The following CTXND1 variants were observed in gnomAD, a reference collection of about 807,000 sequenced individuals.
The protein encoded by CTXND1 is cortexin domain-containing 1 protein.
At chr15:80,249,837 C>T (rs548442029) in intron 1 of CTXND1, among the ~76,000 whole-genome samples, 5 of 152,208 alleles carry the variant, frequency 3.3e-5, no homozygotes, top group Non-Finnish European at 7.3e-5. Context: ...CCAAACAGTT[C>T]TAAATGTTGT....
chr15:80,241,475 A>T (rs1482152013), intron 1 of CTXND1, among the ~76,000 whole-genome samples: 1 of 152,158 alleles, frequency 6.6e-6, no homozygotes, highest in East Asian at 1.9e-4. Context: ...ACCTGCTATG[A>T]TCTGAACTGA....
chr15:80,213,704 G>T (rs989657218), intron 1 of CTXND1, among the ~76,000 whole-genome samples: 1 of 152,200 alleles, frequency 6.6e-6, no homozygotes, highest in Non-Finnish European at 1.5e-5. Context: ...ATGTTAACAG[G>T]CTAGCATAGG....
chr15:80,205,071 T>G (rs1270438677), intron 1 of CTXND1, among the ~76,000 whole-genome samples: 2 of 152,218 alleles, frequency 1.3e-5, no homozygotes, highest in Non-Finnish European at 2.9e-5. Context: ...ATATGTATGT[T>G]TATGTATTTG....
chr15:80,218,902 A>T (rs1159016411), intron 1 of CTXND1, among the ~76,000 whole-genome samples: 1 of 150,798 alleles, frequency 6.6e-6, no homozygotes, highest in African/African-American at 2.4e-5. Flanking sequence ...AGAAGAATAT[A>T]TTCATACACC....
rs1467921408 is a variant in CTXND1 at position 80,233,677 on chromosome 15, A to T, written c.-218+18330T>A. ...TTCTGCCCTACAAAGAGACTGGGGG[A>T]GCTAGACAAGCCCACTTCCCCCACA... On this transcript the variant is annotated intron_variant, in intron 1 of 2. Coordinates refer to ENST00000560778, the MANE Select transcript of CTXND1 (RefSeq NM_001352888.2). Among the ~76,000 whole-genome samples the T allele has an allele frequency of 2.0e-5, 3 of 152,126 alleles. No individual in the cohort carries two copies. The East Asian group carries it at 5.8e-4, about 29-fold the overall frequency.
At position 80,197,700 on chromosome 15, in the gene CTXND1, C is replaced by T. The variant is rs2041427563; in HGVS notation, c.*4070G>A. The T allele has an allele frequency of 6.6e-6, 1 of 152,298 alleles. No individual in the cohort carries two copies. The highest frequency in any genetic ancestry group is 1.5e-5 in the Non-Finnish European group (1 of 68,136). The allele number at this position is 152,298 out of a possible 1,614,324, so 9.4% of individuals were successfully genotyped here. A position where few individuals can be genotyped will look rare whatever the true frequency, so the allele number is the denominator to read the frequency against. On this transcript the variant is annotated 3_prime_UTR_variant, in exon 3 of 3. Transcript: ENST00000560778. ...GGGCACCTCTCCACAGGCTGGGCCA[C>T]AGGACATTGTGGGTGGTCATTGATC...
At position 80,236,737 on chromosome 15, in the gene CTXND1, T is replaced by C. The variant is rs143542280; in HGVS notation, c.-218+15270A>G. On this transcript the variant is annotated intron_variant, in intron 1 of 2. Transcript: ENST00000560778. ...GGGAGAGGTTGCAGTAAGCCGATATTGTGCCACTGCACTCCAGCCTGGGTG... is the reference window on the plus strand; with the variant it reads ...GGGAGAGGTTGCAGTAAGCCGATATCGTGCCACTGCACTCCAGCCTGGGTG... Among the ~76,000 whole-genome samples the C allele has an allele frequency of 2.7e-3, 414 of 151,158 alleles. 10 individuals are homozygous for C. The highest frequency in any genetic ancestry group is 0.018 in the South Asian group (85 of 4,758).
chr15:80,228,636 C>CTTTTTTT (rs58443773), intron 1 of CTXND1, among the ~76,000 whole-genome samples: 7,122 of 139,798 alleles, frequency 0.051, 657 homozygotes, highest in African/African-American at 0.17. Flanking sequence ...AAATCTGAAA[C>CTTTTTTT]TTTTTTTTTT....
At chr15:80,213,261 T>C (rs1177514249) in intron 1 of CTXND1, among the ~76,000 whole-genome samples, 3 of 152,194 alleles carry the variant, frequency 2.0e-5, no homozygotes, top group Non-Finnish European at 4.4e-5. Flanking sequence ...TTTGGAGTAA[T>C]GTTGGAATGA....
chr15:80,199,280 G>A lies in CTXND1; in HGVS notation c.*2490C>T, dbSNP rs1366253402. The A allele has an allele frequency of 6.6e-6, 1 of 152,218 alleles. No homozygotes were observed. Among genetic ancestry groups the A allele is most frequent in the Non-Finnish European group, 1.5e-5 (1 of 68,056 alleles). 9.4% of individuals were successfully genotyped at this position (152,218 alleles called of 1,614,324 possible). ...AATATACATTCTGTACGTAGGTCTG[G>A]AGGGGGCTGTGAGTTTGGGTTTCTA... is the stretch of plus-strand genomic sequence containing the variant. On this transcript the variant is annotated 3_prime_UTR_variant, in exon 3 of 3. Coordinates refer to ENST00000560778, the MANE Select transcript of CTXND1 (RefSeq NM_001352888.2).
chr15:80,204,187 T>TACACACAA (rs1220143548), intron 1 of CTXND1, among the ~76,000 whole-genome samples: 1 of 49,938 alleles, frequency 2.0e-5, no homozygotes, highest in Non-Finnish European at 3.5e-5. Flanking sequence ...TATATATATA[T>TACACACAA]ATATATATAT....
At chr15:80,225,890 G>A (rs555343762) in intron 1 of CTXND1, among the ~76,000 whole-genome samples, 1 of 152,204 alleles carries the variant, frequency 6.6e-6, no homozygotes, top group African/African-American at 2.4e-5. Context: ...GTTTATAAAT[G>A]GAGGTATAGA....
intron 1 of CTXND1, among the ~76,000 whole-genome samples, chr15:80,210,743 G>A (rs1026180947): frequency 1.3e-5 from 2 of 152,212 alleles, no homozygotes; most frequent in African/African-American, 4.8e-5. Flanking sequence ...ATAGCAAAAT[G>A]CCACAGACTG....
intron 1 of CTXND1, among the ~76,000 whole-genome samples, chr15:80,220,918 T>TA (rs1567131013): frequency 1.0e-4 from 15 of 148,788 alleles, no homozygotes; most frequent in African/African-American, 3.7e-4. Context: ...TATTATTTTT[T>TA]TTTTTTTTGA....
At chr15:80,232,380 G>A (rs975228032) in intron 1 of CTXND1, among the ~76,000 whole-genome samples, 10 of 152,274 alleles carry the variant, frequency 6.6e-5, no homozygotes, top group Middle Eastern at 3.4e-3. Flanking sequence ...TCGAGCTCAT[G>A]TTTCTAATCT....
chr15:80,237,544 G>A (rs1486081416), intron 1 of CTXND1, among the ~76,000 whole-genome samples: 17 of 152,038 alleles, frequency 1.1e-4, no homozygotes, highest in Non-Finnish European at 4.4e-5. Flanking sequence ...TCAGGCTCAT[G>A]TGATTGTTTG....
At chr15:80,205,392 T>C (rs1417562335) in intron 1 of CTXND1, among the ~76,000 whole-genome samples, 1 of 152,184 alleles carries the variant, frequency 6.6e-6, no homozygotes, top group African/African-American at 2.4e-5. Context: ...AAGGATAAAT[T>C]CATTTTAATT....
At chr15:80,246,870 C>T (rs1250616026) in intron 1 of CTXND1, among the ~76,000 whole-genome samples, 2 of 152,156 alleles carry the variant, frequency 1.3e-5, no homozygotes, top group Non-Finnish European at 2.9e-5. Context: ...ATTCTTTGGC[C>T]ATTTCTGTGC....
chr15:80,233,397 A>G (rs1447339255), intron 1 of CTXND1, among the ~76,000 whole-genome samples: 1 of 152,192 alleles, frequency 6.6e-6, no homozygotes, highest in Non-Finnish European at 1.5e-5. Flanking sequence ...CAATTAAAAT[A>G]TTAGCTGTCA....
Sources: allele counts gnomAD v4.1 joint callset (sites outside exome capture counted in the v4.1 genomes callset), GRCh38; gene constraint gnomAD v4.1.1; transcripts MANE v1.5; gene names NCBI Gene and HGNC (gene_info 2026-07-23, HGNC 2026-07-21).